Variants in HABP2 observed in about 807,000 individuals in gnomAD.
HABP2 encodes hyaluronan binding protein 2, also known as factor VII-activating protease.
HABP2 carries 65 observed loss-of-function variants against 66.5 expected under a neutral mutation model. The ratio of observed to expected loss-of-function variants is 0.98; its 90% confidence interval spans 0.80 to 1.20. The LOEUF (loss-of-function observed/expected upper bound fraction) is 1.20. Ranked by LOEUF, HABP2 falls within the 50% of genes most tolerant of loss-of-function variation. HABP2 has a pLI of 0.00. For synonymous variants in HABP2, 263 were observed against 253.9 expected, an observed-to-expected ratio of 1.04 and a Z score of -0.34; for missense variants, 786 against 691.0, an observed-to-expected ratio of 1.14 and a Z score of -1.54.
chr10:113,557,401 T>C (rs1274995138), intron 1 of HABP2, among the ~76,000 whole-genome samples: 1 of 152,218 alleles, frequency 6.6e-6, no homozygotes. Flanking sequence ...CACATGTGTA[T>C]ACAGGCACGG....
intron 11 of HABP2, among the ~76,000 whole-genome samples, chr10:113,584,944 C>CA (rs11575779): frequency 0.012 from 1,864 of 152,108 alleles, 34 homozygotes; most frequent in African/African-American, 0.042. Context: ...CCCACTACTA[C>CA]AAAAAAAATT....
At chr10:113,578,180 A>T in intron 6 of HABP2, 35 bp downstream of exon 6, 1 of 1,609,964 alleles carries the variant, frequency 6.2e-7, no homozygotes, top group South Asian at 1.1e-5. Flanking sequence ...GCCACAAGTG[A>T]GGCCTCTGGA....
rs372944479 is a variant in HABP2, at chr10:113,584,224, T to C, written c.1314T>C (p.Asp438=). The change falls in exon 11 of 13, where the codon GAT becomes GAC. Residue 438 remains aspartate (D), a synonymous_variant. Transcript: ENST00000351270. ...SKYVKTVCLP[D]GSFPSGSECH... Reference sequence around the variant, plus strand: ...ACGTGAAGACTGTGTGCTTGCCTGATGGGTCCTTTCCCTCTGGGAGTGAGT... The same window carrying C: ...ACGTGAAGACTGTGTGCTTGCCTGACGGGTCCTTTCCCTCTGGGAGTGAGT... 33 of 1,613,912 alleles carry C rather than the reference T, an allele frequency of 2.0e-5. No homozygotes were observed. In the African/African-American group the frequency reaches 3.3e-4, roughly 16 times the overall value.
chr10:113,588,746 C>T lies in HABP2; in HGVS notation c.*377C>T, dbSNP rs1845732308. ...GAACCACCATCACATCTTTATTCCT[C>T]AGCCCAGACACTCGAGGCACTCAAC... On this transcript the variant is annotated 3_prime_UTR_variant, in exon 13 of 13. Coordinates refer to ENST00000351270, the MANE Select transcript of HABP2 (RefSeq NM_004132.5). 2 of 562,562 alleles carry T rather than the reference C, an allele frequency of 3.6e-6. No individual in the cohort carries two copies. The highest frequency in any genetic ancestry group is 6.3e-6 in the Non-Finnish European group (2 of 319,156). 34.8% of individuals were successfully genotyped at this position (562,562 alleles called of 1,614,324 possible).
rs1845796234 is a variant in HABP2, at chr10:113,589,377, T to G, written c.*1008T>G. On this transcript the variant is annotated 3_prime_UTR_variant, in exon 13 of 13. Coordinates refer to ENST00000351270, the MANE Select transcript of HABP2 (RefSeq NM_004132.5). ...TTCTGCGAATGTAACGAGCAAGCAG[T>G]CAGCACAGCCTGGGCTGCCCTGGCC... 1 of 569,602 alleles carries G rather than the reference T, an allele frequency of 1.8e-6. No individual in the cohort carries two copies. Among genetic ancestry groups the G allele is most frequent in the Admixed American group, 3.2e-5 (1 of 31,020 alleles). 35.3% of individuals were successfully genotyped at this position (569,602 alleles called of 1,614,324 possible).
intron 1 of HABP2, among the ~76,000 whole-genome samples, chr10:113,566,157 G>A (rs1185728795): frequency 6.6e-6 from 1 of 152,190 alleles, no homozygotes; most frequent in East Asian, 1.9e-4. Context: ...CTTTCTGGCG[G>A]CCAAGACCCA....
At chr10:113,574,502 G>A (rs1445971203) in intron 3 of HABP2, 97 bp downstream of exon 3, 2 of 672,468 alleles carry the variant, frequency 3.0e-6, no homozygotes, top group South Asian at 1.8e-5. Context: ...CGCCTCTCTG[G>A]CCAGTATTGT....
At chr10:113,568,318 C>T (rs1845238281) in intron 2 of HABP2, among the ~76,000 whole-genome samples, 1 of 152,228 alleles carries the variant, frequency 6.6e-6, no homozygotes, top group South Asian at 2.1e-4. Context: ...CCACAGAGCG[C>T]CATAGCCAGG....
At chr10:113,564,930 T>C (rs1249642128) in intron 1 of HABP2, among the ~76,000 whole-genome samples, 3 of 152,070 alleles carry the variant, frequency 2.0e-5, no homozygotes, top group Non-Finnish European at 2.9e-5. Context: ...CGCTGCAAGC[T>C]CTGCCTCCTG....
Position 113,588,200 on chromosome 10 carries a change from C to T in HABP2, c.1519-5C>T, listed in dbSNP as rs778445486. 6.3e-7 allele frequency: 1 copy of T among 1,598,666 alleles called. No homozygotes were observed. Among genetic ancestry groups the T allele is most frequent in the East Asian group, 2.2e-5 (1 of 44,644 alleles). The stretch of plus-strand genomic sequence containing the variant: ...AGGATGAGCTTATGCCTCTGTTTCC[C>T]TTAGGGTGACTCTGGAGGCCCCCTG... On this transcript the variant is annotated splice_polypyrimidine_tract_variant and splice_region_variant and intron_variant, in intron 12 of 12. Coordinates refer to ENST00000351270, the MANE Select transcript of HABP2 (RefSeq NM_004132.5).
Position 113,589,214 on chromosome 10 carries a change from C to A in HABP2, c.*845C>A, listed in dbSNP as rs1010762564. 23 of 668,352 alleles carry A rather than the reference C, an allele frequency of 3.4e-5. No homozygotes were observed. Among genetic ancestry groups the A allele is most frequent in the African/African-American group, 2.9e-4 (16 of 55,164 alleles). The allele number at this position is 668,352 out of a possible 1,614,324, so 41.4% of individuals were successfully genotyped here. On this transcript the variant is annotated 3_prime_UTR_variant, in exon 13 of 13. Transcript: ENST00000351270. ...ACCCTCCCTTTCCTTTTCCCCTCTT[C>A]TACCCTCCCCAAGAAAAAGGGCCTT...
chr10:113,558,793 G>A (rs1845047172), intron 1 of HABP2, among the ~76,000 whole-genome samples: 1 of 152,164 alleles, frequency 6.6e-6, no homozygotes. Flanking sequence ...GAAACATGGG[G>A]GCTTGTGCTT....
intron 12 of HABP2, 128 bp downstream of exon 12, chr10:113,586,066 G>C: frequency 3.8e-6 from 3 of 790,816 alleles, no homozygotes; most frequent in Non-Finnish European, 6.2e-6. Flanking sequence ...TAAGACACAG[G>C]TGAGCTGTGT....
chr10:113,578,781 G>C lies in HABP2; in HGVS notation c.723G>C (p.Gly241=), dbSNP rs200357151. The C allele has an allele frequency of 1.1e-4, 180 of 1,609,702 alleles. No individual in the cohort carries two copies. Among genetic ancestry groups the C allele is most frequent in the Middle Eastern group, 1.6e-4 (1 of 6,076 alleles). ...FMEDAETHGI[G]EHNFCRNPDA... ...AGGATGCTGAAACCCATGGGATTGG[G>C]GAACACAATTTCTGCAGGTAACATT... Residue 241 remains glycine (G), a synonymous_variant, in exon 7 of 13, where the codon GGG becomes GGC. Transcript: ENST00000351270.
At position 113,580,616 on chromosome 10, in the gene HABP2, G is replaced by T. The variant is rs759973772; in HGVS notation, c.762G>T (p.Lys254Asn). 4 of 1,590,266 alleles carry T rather than the reference G, an allele frequency of 2.5e-6. No homozygotes were observed. Among genetic ancestry groups the T allele is most frequent in the Non-Finnish European group, 3.5e-6 (4 of 1,158,370 alleles). Residue 254 changes from lysine (K) to asparagine (N), a missense_variant, in exon 8 of 13, where the codon AAG (lysine) becomes AAT (asparagine). By Grantham distance (94) the Lys-to-Asn change is moderately conservative. Transcript: ENST00000351270. ...NFCRNPDADEKPWCFIKVTND... is the reference protein window; with the variant it reads ...NFCRNPDADENPWCFIKVTND... ...TTAGAAACCCAGATGCGGACGAAAA[G>T]CCCTGGTGCTTTATTAAAGTTACCA...
At chr10:113,579,707 GA>G (rs1321371602) in intron 7 of HABP2, among the ~76,000 whole-genome samples, 2 of 152,128 alleles carry the variant, frequency 1.3e-5, no homozygotes, top group African/African-American at 4.8e-5. Context: ...AGTTGCAGGT[GA>G]GGGGGTCTTT....
Position 113,575,966 on chromosome 10 carries a change from G to A in HABP2, c.293G>A (p.Ser98Asn), listed in dbSNP as rs1240218019. 3.7e-6 allele frequency: 6 copies of A among 1,609,656 alleles called. No homozygotes were observed. In the African/African-American group the frequency reaches 8.0e-5, roughly 22 times the overall value. The stretch of plus-strand genomic sequence containing the variant: ...GTCCATGGGAGCACCTTCACATGCA[G>A]CTGCCTGGCTCCTTTCTCTGGGAAT... ...CLVHGSTFTC[S>N]CLAPFSGNKC... The change falls in exon 4 of 13, where the codon AGC becomes AAC. Residue 98 changes from serine (S) to asparagine (N), a missense_variant. By Grantham distance (46) the Ser-to-Asn change is conservative. Coordinates refer to ENST00000351270, the MANE Select transcript of HABP2 (RefSeq NM_004132.5).
intron 7 of HABP2, among the ~76,000 whole-genome samples, chr10:113,579,712 G>A (rs1382115416): frequency 6.6e-6 from 1 of 152,068 alleles, no homozygotes; most frequent in Non-Finnish European, 1.5e-5. Context: ...CAGGTGAGGG[G>A]GTCTTTGTAT....
chr10:113,552,957 G>A (rs970026497), upstream of HABP2: 65 of 588,640 alleles, frequency 1.1e-4, 1 homozygote, highest in Admixed American at 2.0e-4. Context: ...AAGATAGTTA[G>A]TTTGCAAAAC....
Sources: allele counts gnomAD v4.1 joint callset (sites outside exome capture counted in the v4.1 genomes callset), GRCh38; gene constraint gnomAD v4.1.1; transcripts MANE v1.5; gene names NCBI Gene and HGNC (gene_info 2026-07-23, HGNC 2026-07-21).